Variants in CNTN4 observed in about 807,000 individuals in gnomAD.
CNTN4 encodes the protein contactin 4.
In CNTN4, 77 loss-of-function variants were observed where a neutral mutation model predicts 122.5. The observed-to-expected ratio is 0.63, with a 90% CI of 0.52 to 0.76. CNTN4 has a LOEUF of 0.76. Ranked by LOEUF, CNTN4 falls within the 30% of genes least tolerant of loss-of-function variation. The pLI, the probability that CNTN4 is intolerant of heterozygous loss-of-function variation, is 0.00. For missense variants in CNTN4, 1,256 were observed against 1,259.1 expected, an observed-to-expected ratio of 1.00 and a Z score of 0.04; for synonymous variants, 512 against 447.0, an observed-to-expected ratio of 1.15 and a Z score of -1.83.
chr3:3,020,542 G>A (rs181255924), intron 14 of CNTN4, among the ~76,000 whole-genome samples: 24 of 152,202 alleles, frequency 1.6e-4, no homozygotes, highest in South Asian at 4.2e-4. Flanking sequence ...CAGCCTGGCT[G>A]GCCACTAGCA....
In CNTN4 at chr3:2,619,040, T is replaced by C. The variant is rs533518474; in HGVS notation, c.55+47482T>C. On this transcript the variant is annotated intron_variant, in intron 4 of 24. Transcript: ENST00000418658. ...CCTCTCTGTTGTGCCTTCATAATAATGAGACAGTAGCACTTATATTGCCTG... is the reference window on the plus strand; with the variant it reads ...CCTCTCTGTTGTGCCTTCATAATAACGAGACAGTAGCACTTATATTGCCTG... 2.0e-5 allele frequency among the ~76,000 whole-genome samples: 3 copies of C among 152,310 alleles called. No homozygotes were observed. In the South Asian group the frequency reaches 6.2e-4, roughly 32 times the overall value.
intron 3 of CNTN4, among the ~76,000 whole-genome samples, chr3:2,517,893 G>C (rs182491725): frequency 2.0e-5 from 3 of 152,286 alleles, no homozygotes; most frequent in East Asian, 1.9e-4. Context: ...TGTGTGTTAA[G>C]TGTGAATCTG....
At chr3:2,334,815 C>T (rs76745200) in intron 2 of CNTN4, among the ~76,000 whole-genome samples, 105 of 152,224 alleles carry the variant, frequency 6.9e-4, no homozygotes, top group African/African-American at 2.4e-3. Context: ...TTTAGAGATG[C>T]CGCATCTGGG....
intron 7 of CNTN4, among the ~76,000 whole-genome samples, chr3:2,859,436 A>G (rs2093650388): frequency 6.6e-6 from 1 of 152,092 alleles, no homozygotes; most frequent in Admixed American, 6.5e-5. Flanking sequence ...TAGGGAAACT[A>G]TAACAGACAC....
Position 2,694,160 on chromosome 3 carries a change from GC to G in CNTN4, c.56-42053del, listed in dbSNP as rs1390831552. ...CTACCTTTCATAACCCCGTTCATCT[GC>G]CAAGTCTTTCCCCCTGCCCATCAGA... On this transcript the variant is annotated intron_variant, in intron 4 of 24. Transcript: ENST00000418658. Among the ~76,000 whole-genome samples the G allele has an allele frequency of 2.0e-5, 3 of 152,136 alleles. No homozygotes were observed. The East Asian group carries it at 5.8e-4, about 29-fold the overall frequency.
At chr3:2,612,271 C>G (rs2081531470) in intron 4 of CNTN4, among the ~76,000 whole-genome samples, 1 of 152,038 alleles carries the variant, frequency 6.6e-6, no homozygotes, top group African/African-American at 2.4e-5. Context: ...TTAGCCCAGC[C>G]TAACTTAAAC....
intron 6 of CNTN4, among the ~76,000 whole-genome samples, chr3:2,747,751 A>G (rs961638552): frequency 5.3e-5 from 8 of 152,172 alleles, no homozygotes; most frequent in Admixed American, 1.3e-4. Context: ...CCCACCCTCA[A>G]AATCCTTGGC....
intron 2 of CNTN4, among the ~76,000 whole-genome samples, chr3:2,263,441 G>A (rs955307758): frequency 1.3e-5 from 2 of 152,000 alleles, no homozygotes; most frequent in East Asian, 3.9e-4. Context: ...TAATCACTGA[G>A]CGTATATACC....
At chr3:2,294,346 C>T (rs1291036434) in intron 2 of CNTN4, among the ~76,000 whole-genome samples, 1 of 146,786 alleles carries the variant, frequency 6.8e-6, no homozygotes, top group Admixed American at 6.9e-5. Flanking sequence ...TAGGCTGTCT[C>T]TGGGGTAGGT....
chr3:2,355,868 A>C (rs1378008351), intron 3 of CNTN4, among the ~76,000 whole-genome samples: 3 of 152,200 alleles, frequency 2.0e-5, no homozygotes, highest in Non-Finnish European at 4.4e-5. Flanking sequence ...ACATTCAGAA[A>C]ATTGCCATCA....
At chr3:2,305,652 T>C (rs914183302) in intron 2 of CNTN4, among the ~76,000 whole-genome samples, 1 of 152,192 alleles carries the variant, frequency 6.6e-6, no homozygotes, top group Admixed American at 6.5e-5. Flanking sequence ...TATTCATGTA[T>C]GATAAACATA....
chr3:2,172,491 TC>T (rs764945453), intron 2 of CNTN4, among the ~76,000 whole-genome samples: 3 of 151,876 alleles, frequency 2.0e-5, no homozygotes, highest in Non-Finnish European at 2.9e-5. Flanking sequence ...ATCCCGGAAA[TC>T]ACCACTGAAG....
chr3:2,815,689 A>C (rs913908497), intron 6 of CNTN4, among the ~76,000 whole-genome samples: 1 of 152,132 alleles, frequency 6.6e-6, no homozygotes, highest in Non-Finnish European at 1.5e-5. Flanking sequence ...TCCTTAAAGA[A>C]CTAAAAGTAG....
At chr3:2,777,864 G>C (rs568899033) in intron 6 of CNTN4, among the ~76,000 whole-genome samples, 1 of 152,100 alleles carries the variant, frequency 6.6e-6, no homozygotes, top group Non-Finnish European at 1.5e-5. Flanking sequence ...CTATTACTAT[G>C]TCTTTGTATT....
intron 2 of CNTN4, among the ~76,000 whole-genome samples, chr3:2,107,853 C>T (rs1333571136): frequency 6.6e-6 from 1 of 152,132 alleles, no homozygotes; most frequent in Non-Finnish European, 1.5e-5. Context: ...GTTTCACTCC[C>T]TTGTAATACA....
intron 2 of CNTN4, among the ~76,000 whole-genome samples, chr3:2,109,597 G>A (rs1028854558): frequency 6.6e-6 from 1 of 152,090 alleles, no homozygotes; most frequent in Non-Finnish European, 1.5e-5. Context: ...ATGCTGAGAT[G>A]GGTCCAGTCT....
At chr3:2,410,238 A>G (rs956056737) in intron 3 of CNTN4, among the ~76,000 whole-genome samples, 3 of 152,194 alleles carry the variant, frequency 2.0e-5, no homozygotes, top group Non-Finnish European at 4.4e-5. Context: ...GACACTGAAA[A>G]TCTGTGTTGA....
chr3:2,747,350 A>G lies in CNTN4; in HGVS notation c.358+1653A>G, dbSNP rs528126669. On this transcript the variant is annotated intron_variant, in intron 6 of 24. Transcript: ENST00000418658. ...CGGGAACCCGGGAGGCGGAGCTTGC[A>G]GTGAGCCGAGATGGCGCCACTGGAC... Among the ~76,000 whole-genome samples the G allele has an allele frequency of 1.2e-4, 18 of 151,718 alleles. No homozygotes were observed. The East Asian group carries it at 1.9e-3, about 16-fold the overall frequency.
chr3:2,740,672 A>G (rs909361939), intron 5 of CNTN4, among the ~76,000 whole-genome samples: 2 of 137,848 alleles, frequency 1.5e-5, no homozygotes, highest in African/African-American at 5.3e-5. Flanking sequence ...TTTAACAACT[A>G]CTATCTAATA....
Sources: allele counts gnomAD v4.1 joint callset (sites outside exome capture counted in the v4.1 genomes callset), GRCh38; gene constraint gnomAD v4.1.1; transcripts MANE v1.5; gene names NCBI Gene and HGNC (gene_info 2026-07-23, HGNC 2026-07-21).